The following RAPGEF2 variants were observed in gnomAD, a reference collection of about 807,000 sequenced individuals.
RAPGEF2 encodes the protein PDZ domain containing guanine nucleotide exchange factor (GEF) 1.
Under a neutral mutation model 186.7 loss-of-function variants are expected in RAPGEF2, and 54 were observed. The ratio of observed to expected loss-of-function variants is 0.29; its 90% CI spans 0.23 to 0.36. The LOEUF (loss-of-function observed/expected upper bound fraction) is 0.36. Among genes scored for constraint, RAPGEF2 ranks in the 10% least tolerant of loss-of-function variants. The pLI, the probability that RAPGEF2 is intolerant of heterozygous loss-of-function variation, is 1.00. For synonymous variants in RAPGEF2, 712 were observed against 705.9 expected (o/e 1.01, Z -0.14); for missense variants, 1,532 against 2,045.0 (o/e 0.75, Z 4.84).
chr4:159,250,856 A>G (rs928125105), intron 7 of RAPGEF2, among the ~76,000 whole-genome samples: 1 of 151,960 alleles, frequency 6.6e-6, no homozygotes, highest in Non-Finnish European at 1.5e-5. Context: ...CCACTGCGCT[A>G]TGGGGGCCCC....
chr4:159,287,266 A>G (rs1423737857), intron 7 of RAPGEF2, among the ~76,000 whole-genome samples: 2 of 152,136 alleles, frequency 1.3e-5, no homozygotes, highest in African/African-American at 4.8e-5. Context: ...ACTGTTAACT[A>G]TTGCTATTGT....
At position 159,110,360 on chromosome 4, in the gene RAPGEF2, G is replaced by A. The variant is rs191737931; in HGVS notation, c.69+6129G>A. On this transcript the variant is annotated intron_variant, in intron 1 of 29. Transcript: ENST00000691494. Reference sequence around the variant, plus strand: ...CCTAGCACTTTAGGAGGCTGAGGCGGGTGGATCACTTGAGGTCAGGAGTTC... The same window carrying A: ...CCTAGCACTTTAGGAGGCTGAGGCGAGTGGATCACTTGAGGTCAGGAGTTC... Among the ~76,000 whole-genome samples, 128 of 152,274 alleles carry A rather than the reference G, an allele frequency of 8.4e-4. No homozygotes were observed. The East Asian group carries it at 0.022, about 26-fold the overall frequency.
intron 11 of RAPGEF2, among the ~76,000 whole-genome samples, chr4:159,325,698 C>T (rs943484623): frequency 3.3e-5 from 5 of 151,844 alleles, no homozygotes; most frequent in Admixed American, 6.6e-5. Context: ...AAATGATATG[C>T]GGCATAGAAT....
intron 4 of RAPGEF2, among the ~76,000 whole-genome samples, chr4:159,234,382 T>A (rs1752986998): frequency 6.6e-6 from 1 of 152,134 alleles, no homozygotes; most frequent in East Asian, 1.9e-4. Flanking sequence ...TAGGACTTAA[T>A]GAAATATTAT....
intron 7 of RAPGEF2, among the ~76,000 whole-genome samples, chr4:159,244,149 T>C (rs1754335283): frequency 6.6e-6 from 1 of 151,972 alleles, no homozygotes; most frequent in Non-Finnish European, 1.5e-5. Context: ...TTTTCCTTTT[T>C]ATGTGAAAGC....
intron 1 of RAPGEF2, among the ~76,000 whole-genome samples, chr4:159,158,340 G>T (rs75618633): frequency 0.01 from 1,579 of 152,278 alleles, 31 homozygotes; most frequent in African/African-American, 0.036. Context: ...TGAACAAAAA[G>T]CAAAGGAAGA....
At chr4:159,210,443 A>AT (rs1750409978) in intron 3 of RAPGEF2, 57 bp from the exon 4 acceptor site, 2 of 1,241,114 alleles carry the variant, frequency 1.6e-6, no homozygotes, top group Admixed American at 2.1e-5. Flanking sequence ...ATATGTTTTA[A>AT]TTTTTTGTTG....
rs553291521 is a variant in RAPGEF2, at chr4:159,337,889, C to CAAAAA, written c.2136-402_2136-398dup. Among the ~76,000 whole-genome samples the CAAAAA allele has an allele frequency of 7.7e-4, 25 of 32,526 alleles. 1 individual carries two copies. The highest frequency in any genetic ancestry group is 1.8e-3 in the East Asian group (2 of 1,122). 21.3% of individuals were successfully genotyped at this position (32,526 alleles called of 152,430 possible). A position where few individuals can be genotyped will look rare whatever the true frequency, so the allele number is the denominator to read the frequency against. On this transcript the variant is annotated intron_variant, in intron 17 of 29. Transcript: ENST00000691494. ...TGGGTGACAGAGTGAGACTCCATCT[C>CAAAAA]AAAAAAAAAAAAAAAAAAAAAAAAG...
chr4:159,206,395 C>T (rs1162717007), intron 3 of RAPGEF2, among the ~76,000 whole-genome samples: 2 of 152,130 alleles, frequency 1.3e-5, no homozygotes, highest in African/African-American at 2.4e-5. Flanking sequence ...AGTTGGGCAC[C>T]GTCTGTACTA....
intron 7 of RAPGEF2, among the ~76,000 whole-genome samples, chr4:159,270,470 C>T (rs1401674960): frequency 6.6e-6 from 1 of 152,122 alleles, no homozygotes; most frequent in East Asian, 1.9e-4. Context: ...AGTTTGTGGG[C>T]TTTTAAGTGG....
chr4:159,160,528 C>A (rs1466834321), intron 1 of RAPGEF2, among the ~76,000 whole-genome samples: 1 of 152,200 alleles, frequency 6.6e-6, no homozygotes, highest in Non-Finnish European at 1.5e-5. Context: ...GTGTTTGTTT[C>A]ACTTATTTCA....
At position 159,359,381 on chromosome 4, in the gene RAPGEF2, A is replaced by G. The variant is rs1580095929; in HGVS notation, c.*1242A>G. On this transcript the variant is annotated 3_prime_UTR_variant, in exon 30 of 30. Transcript: ENST00000691494. ...GTTAGTCACCAAAGACTAACCTCCA[A>G]GTGGCTTTATGGACGCTGCATATAG... 6.6e-6 allele frequency: 1 copy of G among 152,210 alleles called. No homozygotes were observed. The highest frequency in any genetic ancestry group is 2.1e-4 in the South Asian group (1 of 4,832). 9.4% of individuals were successfully genotyped at this position (152,210 alleles called of 1,614,324 possible).
chr4:159,185,988 T>C (rs1747515027), intron 1 of RAPGEF2, among the ~76,000 whole-genome samples: 1 of 152,104 alleles, frequency 6.6e-6, no homozygotes. Context: ...CTTAAAATAC[T>C]AAATCCTTTC....
Position 159,344,023 on chromosome 4 carries a change from C to T in RAPGEF2, c.3255-13C>T. The T allele has an allele frequency of 3.9e-6, 6 of 1,532,254 alleles. No homozygotes were observed. The highest frequency in any genetic ancestry group is 2.2e-5 in the East Asian group (1 of 44,482). 94.9% of individuals were successfully genotyped at this position (1,532,254 alleles called of 1,614,324 possible). On this transcript the variant is annotated splice_polypyrimidine_tract_variant and intron_variant, in intron 22 of 29. Transcript: ENST00000691494. ...TACACCCATGCTTCAATCTCCATGG[C>T]TCTCACTTACAGGAAGAAGAAATGG...
chr4:159,187,665 A>G (rs1178890164), intron 2 of RAPGEF2, among the ~76,000 whole-genome samples: 1 of 152,186 alleles, frequency 6.6e-6, no homozygotes, highest in Non-Finnish European at 1.5e-5. Context: ...TACAGCAACT[A>G]TATTTATGTT....
At chr4:159,184,951 T>G (rs1747408791) in intron 1 of RAPGEF2, among the ~76,000 whole-genome samples, 1 of 152,206 alleles carries the variant, frequency 6.6e-6, no homozygotes, top group Non-Finnish European at 1.5e-5. Flanking sequence ...CCTTTCTACA[T>G]ATGGCTAGCC....
chr4:159,302,743 T>C (rs1762822537), intron 7 of RAPGEF2, among the ~76,000 whole-genome samples: 1 of 152,138 alleles, frequency 6.6e-6, no homozygotes, highest in Non-Finnish European at 1.5e-5. Flanking sequence ...TAAGTTGTTA[T>C]TCTCCTAAAT....
intron 1 of RAPGEF2, among the ~76,000 whole-genome samples, chr4:159,166,801 A>G (rs1387719990): frequency 6.6e-6 from 1 of 152,200 alleles, no homozygotes; most frequent in Non-Finnish European, 1.5e-5. Flanking sequence ...TGTTGATGAG[A>G]TTAGAGAAGG....
rs1554041228 is a variant in RAPGEF2, at chr4:159,342,553, A to ATTTTATATTATTTTATT, written c.2919-424_2919-423insTTATATTATTTTATTTT. On this transcript the variant is annotated intron_variant, in intron 20 of 29. Coordinates refer to ENST00000691494, the MANE Select transcript of RAPGEF2 (RefSeq NM_001394067.2). ...TTTATTTTATTTTATTTTATTTTAT[A>ATTTTATATTATTTTATT]TTATTTTATTTTATTTTATTTTATT... Among the ~76,000 whole-genome samples, 93 of 71,948 alleles carry ATTTTATATTATTTTATT rather than the reference A, an allele frequency of 1.3e-3. 1 individual carries two copies. Among genetic ancestry groups the ATTTTATATTATTTTATT allele is most frequent in the African/African-American group, 3.6e-3 (70 of 19,424 alleles). 47.2% of individuals were successfully genotyped at this position (71,948 alleles called of 152,430 possible).
Sources: gnomAD v4.1 joint callset for allele counts (sites outside exome capture counted in the v4.1 genomes callset) on GRCh38, gnomAD v4.1.1 for gene constraint, MANE v1.5 for transcripts, NCBI Gene and HGNC (gene_info 2026-07-23, HGNC 2026-07-21) for gene names.